CCDC102B: variants seen among roughly 807,000 people sequenced by gnomAD.
CCDC102B encodes coiled-coil domain-containing protein 102B.
Under a neutral mutation model 57.4 loss-of-function variants are expected in CCDC102B, and 75 were observed. The ratio of observed to expected loss-of-function variants is 1.31; its 90% CI spans 1.08 to 1.58. The LOEUF is 1.58. CCDC102B is among the 40% of genes most tolerant of loss of function. The pLI is 0.00. For synonymous variants in CCDC102B, 206 were observed against 201.9 expected, an observed-to-expected ratio of 1.02 and a Z score of -0.17; for missense variants, 636 against 582.6, an observed-to-expected ratio of 1.09 and a Z score of -0.94.
At chr18:68,998,999 T>TAG (rs60271182) in intron 6 of CCDC102B, among the ~76,000 whole-genome samples, 12 of 43,340 alleles carry the variant, frequency 2.8e-4, no homozygotes, top group East Asian at 1.2e-3. Context: ...TATATATATA[T>TAG]AGAGAGAGAG....
At chr18:68,973,744 TCTC>T (rs1910910690) in intron 6 of CCDC102B, among the ~76,000 whole-genome samples, 1 of 152,164 alleles carries the variant, frequency 6.6e-6, no homozygotes, top group African/African-American at 2.4e-5. Flanking sequence ...ATATTTGTGA[TCTC>T]AGCCCTTTTA....
intron 2 of CCDC102B, among the ~76,000 whole-genome samples, chr18:68,719,392 A>C (rs2032201448): frequency 6.6e-6 from 1 of 152,174 alleles, no homozygotes; most frequent in Admixed American, 6.5e-5. Context: ...CCCTCTGAAA[A>C]CCTGATAATG....
intron 7 of CCDC102B, among the ~76,000 whole-genome samples, chr18:69,047,492 G>A (rs939851006): frequency 2.0e-5 from 3 of 152,070 alleles, no homozygotes; most frequent in African/African-American, 7.2e-5. Flanking sequence ...AGATAAAGAT[G>A]CCTTGTCTCA....
At chr18:68,906,293 A>G (rs2040640359) in intron 6 of CCDC102B, among the ~76,000 whole-genome samples, 1 of 152,204 alleles carries the variant, frequency 6.6e-6, no homozygotes, top group Admixed American at 6.5e-5. Flanking sequence ...ATGCATGCAC[A>G]TGTATTATTT....
At chr18:68,789,487 CT>C (rs1230586420) in intron 2 of CCDC102B, among the ~76,000 whole-genome samples, 4 of 151,976 alleles carry the variant, frequency 2.6e-5, no homozygotes, top group African/African-American at 7.3e-5. Context: ...TAGATTTGGT[CT>C]TTTCACATAG....
chr18:69,035,972 G>T (rs1367470923), intron 7 of CCDC102B, among the ~76,000 whole-genome samples: 2 of 152,062 alleles, frequency 1.3e-5, no homozygotes, highest in Admixed American at 1.3e-4. Context: ...GAGCAGAATT[G>T]GAGCAGATTG....
At chr18:69,048,408 CA>C (rs2052619005) in intron 7 of CCDC102B, among the ~76,000 whole-genome samples, 2 of 152,054 alleles carry the variant, frequency 1.3e-5, no homozygotes, top group South Asian at 4.1e-4. Flanking sequence ...GAATGTTGAA[CA>C]TTCTGGTTTC....
intron 6 of CCDC102B, among the ~76,000 whole-genome samples, chr18:68,898,864 G>C (rs548010023): frequency 2.0e-4 from 31 of 152,206 alleles, no homozygotes; most frequent in Admixed American, 3.3e-4. Context: ...CACCTTTCTA[G>C]TTGTATCAAA....
At chr18:68,840,827 C>T (rs1568281108) in intron 3 of CCDC102B, among the ~76,000 whole-genome samples, 1 of 152,156 alleles carries the variant, frequency 6.6e-6, no homozygotes, top group African/African-American at 2.4e-5. Context: ...TCTTAACACG[C>T]TTATCCATAT....
chr18:68,845,726 A>T (rs2037828015), intron 3 of CCDC102B, among the ~76,000 whole-genome samples: 1 of 151,876 alleles, frequency 6.6e-6, no homozygotes, highest in Non-Finnish European at 1.5e-5. Context: ...TTTTTATCCT[A>T]GTTCTGTTGC....
chr18:68,716,714 G>C (rs546282159), intron 2 of CCDC102B: 1 of 151,516 alleles, frequency 6.6e-6, no homozygotes, highest in Admixed American at 6.6e-5. Context: ...CAGGAGGATT[G>C]CTTGAGGTGA....
chr18:68,743,831 G>A (rs1477985), intron 2 of CCDC102B, among the ~76,000 whole-genome samples: 43,843 of 151,990 alleles, frequency 0.29, 6,825 homozygotes, highest in East Asian at 0.53. Flanking sequence ...TTAGAAGAAA[G>A]AAACTTCAAA....
intron 7 of CCDC102B, among the ~76,000 whole-genome samples, chr18:69,014,325 C>T (rs909599291): frequency 6.6e-6 from 1 of 152,138 alleles, no homozygotes; most frequent in African/African-American, 2.4e-5. Flanking sequence ...TCTCCAATGG[C>T]AAATTCAGAT....
chr18:68,912,578 T>C (rs1232144841), intron 6 of CCDC102B, among the ~76,000 whole-genome samples: 1 of 152,226 alleles, frequency 6.6e-6, no homozygotes, highest in Non-Finnish European at 1.5e-5. Context: ...ATAAGTTATT[T>C]ATATGATGAC....
At chr18:68,913,344 G>GTGTGTGT (rs1555725389) in intron 6 of CCDC102B, among the ~76,000 whole-genome samples, 18 of 150,200 alleles carry the variant, frequency 1.2e-4, no homozygotes, top group Admixed American at 2.0e-4. Flanking sequence ...GTGTGTGTGT[G>GTGTGTGT]GTCCTACTTT....
At chr18:68,841,814 T>C (rs114787233) in intron 3 of CCDC102B, among the ~76,000 whole-genome samples, 5,352 of 152,158 alleles carry the variant, frequency 0.035, 290 homozygotes, top group African/African-American at 0.12. Flanking sequence ...CTCACTGCAA[T>C]CTCAGCCTCC....
chr18:68,922,023 TATC>T (rs1290206450), intron 6 of CCDC102B, among the ~76,000 whole-genome samples: 1 of 152,134 alleles, frequency 6.6e-6, no homozygotes, highest in African/African-American at 2.4e-5. Flanking sequence ...TTAGTGCTAT[TATC>T]AACAGAATTC....
intron 7 of CCDC102B, among the ~76,000 whole-genome samples, chr18:69,029,439 G>A (rs2052080147): frequency 6.6e-6 from 1 of 152,148 alleles, no homozygotes; most frequent in African/African-American, 2.4e-5. Flanking sequence ...CAGGTTGGAG[G>A]ATGTGTTTCC....
intron 2 of CCDC102B, among the ~76,000 whole-genome samples, chr18:68,731,480 C>T (rs1395422724): frequency 6.6e-6 from 1 of 152,016 alleles, no homozygotes; most frequent in Admixed American, 6.5e-5. Context: ...CCAAAATACC[C>T]TGGCTTCTTT....
Sources: allele counts gnomAD v4.1 joint callset (sites outside exome capture counted in the v4.1 genomes callset), GRCh38; gene constraint gnomAD v4.1.1; transcripts MANE v1.5; gene names NCBI Gene and HGNC (gene_info 2026-07-23, HGNC 2026-07-21).